Variants in INPP5B observed in about 807,000 individuals in gnomAD.
The protein encoded by INPP5B is inositol polyphosphate-5-phosphatase B.
Under a neutral mutation model 118.5 loss-of-function variants are expected in INPP5B, and 90 were observed. The observed-to-expected ratio is 0.76, with a 90% CI of 0.64 to 0.90. The LOEUF (loss-of-function observed/expected upper bound fraction) is 0.90, where lower values mean the gene tolerates loss of function less well. INPP5B is among the 40% of genes least tolerant of loss of function. INPP5B has a pLI of 0.00. For synonymous variants in INPP5B, 385 were observed against 418.9 expected (o/e 0.92, Z 0.99); for missense variants, 984 against 1,125.6 (o/e 0.87, Z 1.80).
chr1:37,944,300 C>T lies in INPP5B; in HGVS notation c.153-407G>A, dbSNP rs552904496. 3.9e-5 allele frequency among the ~76,000 whole-genome samples: 6 copies of T among 152,282 alleles called. No homozygotes were observed. The South Asian group carries it at 1.2e-3, about 32-fold the overall frequency. ...GCCCCCTCCCTCCCAGCTCCTAGAC[C>T]CTGAGTCACTTACCAGCTATGAGAC... On this transcript the variant is annotated intron_variant, in intron 3 of 23. Coordinates refer to ENST00000373024, the MANE Select transcript of INPP5B (RefSeq NM_005540.3).
intron 16 of INPP5B, among the ~76,000 whole-genome samples, chr1:37,877,912 T>A (rs1187605238): frequency 6.6e-6 from 1 of 152,186 alleles, no homozygotes; most frequent in Non-Finnish European, 1.5e-5. Flanking sequence ...CAATGTTGTA[T>A]ACACAATACT....
intron 7 of INPP5B, among the ~76,000 whole-genome samples, chr1:37,897,189 A>C (rs1570171950): frequency 6.6e-6 from 1 of 151,560 alleles, no homozygotes; most frequent in East Asian, 2.0e-4. Context: ...CCTACTGGGA[A>C]GTGAGGAGCC....
At chr1:37,936,068 A>AAAAT (rs1443818796) in intron 6 of INPP5B, among the ~76,000 whole-genome samples, 2 of 151,936 alleles carry the variant, frequency 1.3e-5, no homozygotes. Context: ...TCCGTATCAA[A>AAAAT]AAATAAATAA....
At chr1:37,940,666 G>A (rs28674846) in intron 6 of INPP5B, 22 bp downstream of exon 6, 1 of 1,506,814 alleles carries the variant, frequency 6.6e-7, no homozygotes, top group East Asian at 2.3e-5. Flanking sequence ...CCCACCCCCA[G>A]GGAGCCTGGG....
At chr1:37,881,882 GAGGTC>G (rs764760451) in intron 14 of INPP5B, among the ~76,000 whole-genome samples, 8 of 152,102 alleles carry the variant, frequency 5.3e-5, no homozygotes, top group African/African-American at 7.2e-5. Flanking sequence ...GATGGATCAC[GAGGTC>G]AGGAGTTCGA....
intron 6 of INPP5B, among the ~76,000 whole-genome samples, chr1:37,940,160 T>C (rs1485670597): frequency 6.6e-6 from 1 of 152,160 alleles, no homozygotes; most frequent in African/African-American, 2.4e-5. Flanking sequence ...AATCCTCTGC[T>C]CTGTACACAA....
Position 37,891,141 on chromosome 1 carries a change from C to G in INPP5B, c.629+217G>C, listed in dbSNP as rs572764976. On this transcript the variant is annotated intron_variant, in intron 8 of 23. Transcript: ENST00000373024. ...CTCAAGAAAGCTGAGGCAGGAGAAT[C>G]ACTTGAACCCAGGAGGTGGAGGTTG... 4.0e-5 allele frequency among the ~76,000 whole-genome samples: 6 copies of G among 151,364 alleles called. No homozygotes were observed. The East Asian group carries it at 1.2e-3, about 29-fold the overall frequency.
At chr1:37,919,751 C>A (rs991828213) in intron 7 of INPP5B, among the ~76,000 whole-genome samples, 1 of 151,990 alleles carries the variant, frequency 6.6e-6, no homozygotes, top group African/African-American at 2.4e-5. Context: ...CCAGCCTGGC[C>A]AAAATGGCGA....
chr1:37,946,451 C>G (rs896695390), intron 1 of INPP5B, 117 bp from the exon 2 acceptor site: 7 of 689,800 alleles, frequency 1.0e-5, no homozygotes, highest in Non-Finnish European at 1.7e-5. Context: ...GAGATGGTAC[C>G]GGGGAGGCCT....
chr1:37,895,233 G>A (rs570093397), intron 7 of INPP5B, among the ~76,000 whole-genome samples: 3 of 152,292 alleles, frequency 2.0e-5, no homozygotes, highest in Admixed American at 2.0e-4. Context: ...TAGTAGGCAT[G>A]GAAAATCATA....
chr1:37,886,715 C>T (rs567384358), intron 12 of INPP5B, among the ~76,000 whole-genome samples, 173 bp downstream of exon 12: 4 of 152,308 alleles, frequency 2.6e-5, no homozygotes, highest in African/African-American at 9.6e-5. Context: ...AGGTAGTTCA[C>T]TAAAACAGTT....
intron 20 of INPP5B, among the ~76,000 whole-genome samples, chr1:37,867,498 C>G (rs1458298601): frequency 6.6e-6 from 1 of 152,162 alleles, no homozygotes; most frequent in Non-Finnish European, 1.5e-5. Flanking sequence ...AAGTTATTCA[C>G]CTTTCCAGGC....
At chr1:37,914,699 A>G (rs1644809670) in intron 7 of INPP5B, among the ~76,000 whole-genome samples, 1 of 152,182 alleles carries the variant, frequency 6.6e-6, no homozygotes, top group African/African-American at 2.4e-5. Context: ...ACATTCTCAC[A>G]TAACTCAGTG....
chr1:37,881,502 T>C (rs769684769), intron 14 of INPP5B, among the ~76,000 whole-genome samples: 1 of 152,328 alleles, frequency 6.6e-6, no homozygotes, highest in Middle Eastern at 3.4e-3. Context: ...TGGTCAGCTA[T>C]TTAGTAGATA....
At chr1:37,878,411 G>C in intron 15 of INPP5B, 88 bp from the exon 16 acceptor site, 1 of 1,554,830 alleles carries the variant, frequency 6.4e-7, no homozygotes, top group Non-Finnish European at 8.7e-7. Flanking sequence ...GGGGAGTGAT[G>C]AATCAGGGCC....
rs1035155719 is a variant in INPP5B at position 37,881,325 on chromosome 1, C to T, written c.1432-1131G>A. 4.6e-5 allele frequency among the ~76,000 whole-genome samples: 7 copies of T among 152,238 alleles called. No homozygotes were observed. In the East Asian group the frequency reaches 7.7e-4, roughly 17 times the overall value. Reference sequence around the variant, plus strand: ...GATTCACTGTCAACTTAAACAGTGCCTGACACATTAGGAAAACAGCTAGCA... The same window carrying T: ...GATTCACTGTCAACTTAAACAGTGCTTGACACATTAGGAAAACAGCTAGCA... On this transcript the variant is annotated intron_variant, in intron 14 of 23. Transcript: ENST00000373024.
At chr1:37,884,779 A>G (rs562838241) in intron 13 of INPP5B, among the ~76,000 whole-genome samples, 1 of 150,332 alleles carries the variant, frequency 6.7e-6, no homozygotes, top group East Asian at 2.0e-4. Flanking sequence ...GTGAAACCCC[A>G]CTCTCTACTC....
At chr1:37,898,236 G>A (rs890888335) in intron 7 of INPP5B, among the ~76,000 whole-genome samples, 1 of 152,078 alleles carries the variant, frequency 6.6e-6, no homozygotes, top group Non-Finnish European at 1.5e-5. Context: ...CTATAGAGAC[G>A]GTAAACAGAT....
chr1:37,903,708 CAG>C (rs1335518753), intron 7 of INPP5B, among the ~76,000 whole-genome samples: 1 of 126,814 alleles, frequency 7.9e-6, no homozygotes, highest in Non-Finnish European at 1.7e-5. Flanking sequence ...GCCTGGGCAA[CAG>C]AGAGAGACTC....
Sources: gnomAD v4.1 joint callset for allele counts (sites outside exome capture counted in the v4.1 genomes callset) on GRCh38, gnomAD v4.1.1 for gene constraint, MANE v1.5 for transcripts, NCBI Gene and HGNC (gene_info 2026-07-23, HGNC 2026-07-21) for gene names.